The following STEAP4 variants were observed in gnomAD, a reference collection of about 807,000 sequenced individuals.
STEAP4 encodes the protein metalloreductase STEAP4.
A neutral mutation model predicts 43.6 loss-of-function variants in STEAP4; 36 were observed. That is an observed-to-expected ratio of 0.83 (90% CI 0.63 to 1.09). The LOEUF (loss-of-function observed/expected upper bound fraction) is 1.09, where lower values mean the gene tolerates loss of function less well. STEAP4 is among the 50% of genes least tolerant of loss of function. The pLI is 0.00. For missense variants in STEAP4, 495 were observed against 546.5 expected, an observed-to-expected ratio of 0.91 and a Z score of 0.94; for synonymous variants, 191 against 196.7, an observed-to-expected ratio of 0.97 and a Z score of 0.24.
chr7:88,279,538 A>T lies in STEAP4; in HGVS notation c.1240T>A (p.Trp414Arg), dbSNP rs1384345647. ...KRFLSPSNLRWYLPAAYVLGL... is the reference protein window; with the variant it reads ...KRFLSPSNLRRYLPAAYVLGL... ...AACACGTAGGCTGCAGGAAGATACC[A>T]TCTGAGATTTGAAGGGCTGAGGAAT... The change falls in exon 5 of 5, where the codon TGG (tryptophan) becomes AGG (arginine). Residue 414 changes from tryptophan (W) to arginine (R), a missense_variant. Trp to Arg is a moderately radical substitution (Grantham distance 101, BLOSUM62 -3). Coordinates refer to ENST00000380079, the MANE Select transcript of STEAP4 (RefSeq NM_024636.4). 6.2e-7 allele frequency: 1 copy of T among 1,614,142 alleles called. No homozygotes were observed. Among genetic ancestry groups the T allele is most frequent in the Non-Finnish European group, 8.5e-7 (1 of 1,180,010 alleles).
chr7:88,283,599 C>A, intron 2 of STEAP4: 1 of 600,430 alleles, frequency 1.7e-6, no homozygotes. Flanking sequence ...CCATGGGGTT[C>A]CATCAAACTA....
intron 4 of STEAP4, among the ~76,000 whole-genome samples, chr7:88,280,427 C>A (rs746787392): frequency 1.1e-4 from 16 of 152,120 alleles, no homozygotes; most frequent in Non-Finnish European, 1.8e-4. Context: ...ATTTTGAGGA[C>A]CACTGGTCTA....
intron 1 of STEAP4, among the ~76,000 whole-genome samples, chr7:88,296,348 A>G (rs1331642366): frequency 6.6e-6 from 1 of 152,156 alleles, no homozygotes; most frequent in Non-Finnish European, 1.5e-5. Context: ...ACATACAACC[A>G]CTAGTGTAGC....
chr7:88,295,497 A>G (rs1330969961), intron 1 of STEAP4, among the ~76,000 whole-genome samples: 2 of 152,138 alleles, frequency 1.3e-5, no homozygotes, highest in Non-Finnish European at 2.9e-5. Context: ...GCACTTTTTT[A>G]AGCTCCCCCA....
At chr7:88,305,911 C>T (rs1003050012) in intron 1 of STEAP4, among the ~76,000 whole-genome samples, 9 of 152,164 alleles carry the variant, frequency 5.9e-5, no homozygotes, top group African/African-American at 2.2e-4. Flanking sequence ...CCTCCCCTCC[C>T]CCATTCTCTA....
In STEAP4 at chr7:88,283,168, C is replaced by A. The variant is rs776009625; in HGVS notation, c.457G>T (p.Val153Leu). Reference protein sequence around the residue: ...QSGALDASRQVFVCGNDSKAK... With the variant: ...QSGALDASRQLFVCGNDSKAK... ...TTGCTGTCATTTCCACACACAAACACCTAGTTTAAAAACAGTTAATTAATT... is the reference window on the plus strand; with the variant it reads ...TTGCTGTCATTTCCACACACAAACAACTAGTTTAAAAACAGTTAATTAATT... Residue 153 changes from valine to leucine, a missense_variant and splice_region_variant, in exon 3 of 5, where the codon GTG (valine) becomes TTG (leucine). Val to Leu is a conservative substitution (Grantham distance 32). Transcript: ENST00000380079. The A allele has an allele frequency of 6.5e-7, 1 of 1,530,956 alleles. No individual in the cohort carries two copies. Among genetic ancestry groups the A allele is most frequent in the Non-Finnish European group, 8.7e-7 (1 of 1,143,384 alleles). 94.8% of individuals were successfully genotyped at this position (1,530,956 alleles called of 1,614,324 possible).
At chr7:88,296,846 T>C (rs532784660) in intron 1 of STEAP4, among the ~76,000 whole-genome samples, 98 of 152,272 alleles carry the variant, frequency 6.4e-4, no homozygotes, top group African/African-American at 2.3e-3. Context: ...GGCAGGTAGG[T>C]ATTACTGTAG....
Position 88,278,041 on chromosome 7 carries a change from TATA to T in STEAP4, c.*1354_*1356del, listed in dbSNP as rs140126670. The T allele has an allele frequency of 6.6e-6, 1 of 151,702 alleles. No homozygotes were observed. The highest frequency in any genetic ancestry group is 2.4e-5 in the African/African-American group (1 of 41,382). 9.4% of individuals were successfully genotyped at this position (151,702 alleles called of 1,614,324 possible). A position where few individuals can be genotyped will look rare whatever the true frequency, so the allele number is the denominator to read the frequency against. ...TTAATCATTTTTGTATAATGTCATGTATAATATGTTATAATGAAAGTAAAAAAA... is the reference window on the plus strand; with the variant it reads ...TTAATCATTTTTGTATAATGTCATGTATATGTTATAATGAAAGTAAAAAAA... On this transcript the variant is annotated 3_prime_UTR_variant, in exon 5 of 5. Coordinates refer to ENST00000380079, the MANE Select transcript of STEAP4 (RefSeq NM_024636.4).
chr7:88,298,086 T>G (rs1194788563), intron 1 of STEAP4, among the ~76,000 whole-genome samples: 1 of 152,090 alleles, frequency 6.6e-6, no homozygotes, highest in Non-Finnish European at 1.5e-5. Flanking sequence ...AGTGCTATCG[T>G]GCCATTGTCA....
Position 88,271,474 on chromosome 7 carries a change from G to A in STEAP4, c.*7924C>T, listed in dbSNP as rs1412845628. On this transcript the variant is annotated 3_prime_UTR_variant, in exon 5 of 5. Transcript: ENST00000380079. ...ATTTTGGACATCTTTCCATATATGT[G>A]AAAGAAGGTGTCTTGGTTTGTTTTA... The A allele has an allele frequency of 6.6e-6, 1 of 152,192 alleles. No individual in the cohort carries two copies. The highest frequency in any genetic ancestry group is 2.4e-5 in the African/African-American group (1 of 41,446). The allele number at this position is 152,192 out of a possible 1,614,324, so 9.4% of individuals were successfully genotyped here. A position where few individuals can be genotyped will look rare whatever the true frequency, so the allele number is the denominator to read the frequency against.
At chr7:88,302,987 G>A (rs1347595352) in intron 1 of STEAP4, among the ~76,000 whole-genome samples, 4 of 146,532 alleles carry the variant, frequency 2.7e-5, no homozygotes, top group African/African-American at 1.1e-4. Flanking sequence ...TGGGTGCTGA[G>A]GCCAAACTGA....
At chr7:88,289,706 T>C (rs138127381) in intron 1 of STEAP4, among the ~76,000 whole-genome samples, 1 of 152,216 alleles carries the variant, frequency 6.6e-6, no homozygotes, top group Non-Finnish European at 1.5e-5. Context: ...TCTGAATCAT[T>C]TTATAAACAA....
chr7:88,292,724 G>C (rs535900865), intron 1 of STEAP4: 8 of 152,288 alleles, frequency 5.3e-5, no homozygotes, highest in African/African-American at 1.9e-4. Context: ...CTAACCCGTG[G>C]AGGTCATTAA....
rs957999591 is a variant in STEAP4 at position 88,279,298 on chromosome 7, C to T, written c.*100G>A. On this transcript the variant is annotated 3_prime_UTR_variant, in exon 5 of 5. Coordinates refer to ENST00000380079, the MANE Select transcript of STEAP4 (RefSeq NM_024636.4). ...CGGTGTAAGAAAAAAACTTTCCTAACTGTACCCATCATTCTTCTTTAAACA... is the reference window on the plus strand; with the variant it reads ...CGGTGTAAGAAAAAAACTTTCCTAATTGTACCCATCATTCTTCTTTAAACA... 177 of 1,143,572 alleles carry T rather than the reference C, an allele frequency of 1.5e-4. No homozygotes were observed. The African/African-American group carries it at 2.4e-3, about 15-fold the overall frequency. 70.8% of individuals were successfully genotyped at this position (1,143,572 alleles called of 1,614,324 possible).
chr7:88,302,317 C>A (rs187264418), intron 1 of STEAP4, among the ~76,000 whole-genome samples: 119 of 152,284 alleles, frequency 7.8e-4, no homozygotes, highest in African/African-American at 2.7e-3. Context: ...GAGCTTTGGT[C>A]TTGGGAAAGA....
chr7:88,304,663 T>C (rs1252644093), intron 1 of STEAP4, among the ~76,000 whole-genome samples: 1 of 151,998 alleles, frequency 6.6e-6, no homozygotes, highest in African/African-American at 2.4e-5. Flanking sequence ...TGTGTGTGTG[T>C]GTGTTTGCTA....
intron 4 of STEAP4, 172 bp from the exon 5 acceptor site, chr7:88,279,800 A>G (rs1306888670): frequency 3.3e-6 from 2 of 604,672 alleles, no homozygotes; most frequent in African/African-American, 3.7e-5. Context: ...AGGATGGTAA[A>G]TACTTCATTT....
At chr7:88,300,766 C>T (rs1035848270) in intron 1 of STEAP4, among the ~76,000 whole-genome samples, 6 of 152,110 alleles carry the variant, frequency 3.9e-5, no homozygotes, top group Non-Finnish European at 8.8e-5. Context: ...AATGTGACCA[C>T]AAAAATGGGA....
chr7:88,284,400 C>T (rs1397865854), intron 1 of STEAP4, 129 bp from the exon 2 acceptor site: 2 of 720,546 alleles, frequency 2.8e-6, no homozygotes, highest in Non-Finnish European at 4.2e-6. Flanking sequence ...ATATTTACCC[C>T]CAAATTTGGA....
Sources: gnomAD v4.1 joint callset for allele counts (sites outside exome capture counted in the v4.1 genomes callset) on GRCh38, gnomAD v4.1.1 for gene constraint, MANE v1.5 for transcripts, NCBI Gene and HGNC (gene_info 2026-07-23, HGNC 2026-07-21) for gene names.